The following SMURF2 variants were observed in gnomAD, a reference collection of about 807,000 sequenced individuals.
SMURF2 encodes SMAD specific E3 ubiquitin protein ligase 2.
A neutral mutation model predicts 109.6 loss-of-function variants in SMURF2; 48 were observed. The ratio of observed to expected loss-of-function variants is 0.44; its 90% CI spans 0.35 to 0.56. SMURF2 has a LOEUF of 0.56. Among genes scored for constraint, SMURF2 ranks in the 20% least tolerant of loss-of-function variants. The pLI is 0.01. For missense variants in SMURF2, 575 were observed against 909.0 expected (o/e 0.63, Z 4.72); for synonymous variants, 288 against 317.1 (o/e 0.91, Z 0.97).
chr17:64,610,519 A>C (rs1388175928), intron 1 of SMURF2, among the ~76,000 whole-genome samples: 6 of 152,136 alleles, frequency 3.9e-5, no homozygotes, highest in African/African-American at 1.4e-4. Flanking sequence ...AGAAAACCAA[A>C]CACCACATGT....
chr17:64,577,941 CTTTTTTTT>C (rs1157721982), intron 9 of SMURF2, among the ~76,000 whole-genome samples: 3 of 121,206 alleles, frequency 2.5e-5, no homozygotes, highest in South Asian at 2.7e-4. Flanking sequence ...TTTCATTCCA[CTTTTTTTT>C]TTTTTTTTTT....
At chr17:64,577,993 G>A (rs1245626789) in intron 9 of SMURF2, among the ~76,000 whole-genome samples, 2 of 144,240 alleles carry the variant, frequency 1.4e-5, no homozygotes, top group Non-Finnish European at 1.5e-5. Flanking sequence ...TGGCCAGGCT[G>A]GAGTGCAGTG....
At chr17:64,591,197 G>T (rs1395909259) in intron 4 of SMURF2, 48 bp from the exon 5 acceptor site, 1 of 1,366,430 alleles carries the variant, frequency 7.3e-7, no homozygotes, top group East Asian at 2.3e-5. Flanking sequence ...GCTGGTATCA[G>T]AGATTCTAAC....
chr17:64,649,276 CATCT>C (rs1970603767), intron 1 of SMURF2, among the ~76,000 whole-genome samples: 1 of 152,150 alleles, frequency 6.6e-6, no homozygotes, highest in South Asian at 2.1e-4. Context: ...CATACCCTGA[CATCT>C]ATCAGTGCAG....
chr17:64,655,252 C>CTT lies in SMURF2; in HGVS notation c.52+6575_52+6576dup, dbSNP rs749497302. Among the ~76,000 whole-genome samples, 117 of 85,908 alleles carry CTT rather than the reference C, an allele frequency of 1.4e-3. 2 individuals are homozygous for CTT. The highest frequency in any genetic ancestry group is 3.1e-3 in the South Asian group (8 of 2,614). 56.4% of individuals were successfully genotyped at this position (85,908 alleles called of 152,430 possible). ...TCTAATGACAATCCCAATGAAATGT[C>CTT]TTTTTTTTTTTTTTTTTTTTTTTTT... On this transcript the variant is annotated intron_variant, in intron 1 of 18. Coordinates refer to ENST00000262435, the MANE Select transcript of SMURF2 (RefSeq NM_022739.4).
At chr17:64,600,250 A>G (rs1457523761) in intron 2 of SMURF2, among the ~76,000 whole-genome samples, 2 of 152,224 alleles carry the variant, frequency 1.3e-5, no homozygotes, top group African/African-American at 4.8e-5. Flanking sequence ...CAAATTAATA[A>G]GAAACTTGTA....
In SMURF2 at chr17:64,561,524, C is replaced by T; in HGVS notation, c.1292G>A (p.Gly431Asp). 6.2e-7 allele frequency: 1 copy of T among 1,613,848 alleles called. No individual in the cohort carries two copies. Among genetic ancestry groups the T allele is most frequent in the Non-Finnish European group, 8.5e-7 (1 of 1,179,858 alleles). Residue 431 changes from glycine to aspartate, a missense_variant, in exon 12 of 19, where the codon GGC becomes GAC. Physicochemically the swap from Gly to Asp is moderately conservative, Grantham distance 94 (BLOSUM62 -1). Coordinates refer to ENST00000262435, the MANE Select transcript of SMURF2 (RefSeq NM_022739.4). ...CCTGGCAACGCCTCCATAGTCAAGG[C>T]CTTCTTCTCCACGAAATTTTATCAT... ...RLMIKFRGEE[G>D]LDYGGVAREW...
chr17:64,563,781 A>T (rs1431047519), intron 10 of SMURF2, among the ~76,000 whole-genome samples: 2 of 152,058 alleles, frequency 1.3e-5, no homozygotes, highest in African/African-American at 4.8e-5. Flanking sequence ...CCATTTTTAA[A>T]TTTTTTTTAA....
chr17:64,570,951 T>C (rs1301892277), intron 10 of SMURF2, among the ~76,000 whole-genome samples: 1 of 152,082 alleles, frequency 6.6e-6, no homozygotes, highest in African/African-American at 2.4e-5. Flanking sequence ...CAGCTAATTT[T>C]AAAAAAATTT....
intron 1 of SMURF2, among the ~76,000 whole-genome samples, chr17:64,624,443 C>G (rs1348771036): frequency 6.6e-6 from 1 of 151,096 alleles, no homozygotes; most frequent in African/African-American, 2.4e-5. Flanking sequence ...CAGCCATTCT[C>G]CTGCCTCAGC....
intron 2 of SMURF2, among the ~76,000 whole-genome samples, chr17:64,600,980 A>G (rs1372650958): frequency 6.6e-6 from 1 of 152,146 alleles, no homozygotes; most frequent in African/African-American, 2.4e-5. Flanking sequence ...CAGACACAGT[A>G]GCTCACACCT....
chr17:64,601,932 T>TGC (rs1555688618), intron 2 of SMURF2, among the ~76,000 whole-genome samples: 1 of 148,654 alleles, frequency 6.7e-6, no homozygotes, highest in Non-Finnish European at 1.5e-5. Context: ...TGTGTGTATA[T>TGC]ATATATATAC....
At chr17:64,624,917 T>C (rs1970248910) in intron 1 of SMURF2, among the ~76,000 whole-genome samples, 1 of 152,210 alleles carries the variant, frequency 6.6e-6, no homozygotes, top group African/African-American at 2.4e-5. Flanking sequence ...ATAAGTGATC[T>C]GTGGCCACAT....
chr17:64,560,769 T>C (rs1216592252), intron 12 of SMURF2: 1 of 145,870 alleles, frequency 6.9e-6, no homozygotes, highest in Non-Finnish European at 1.5e-5. Context: ...GAGAATAGCC[T>C]GGGCAACATG....
intron 1 of SMURF2, among the ~76,000 whole-genome samples, chr17:64,608,107 A>G (rs1476974083): frequency 6.6e-6 from 1 of 151,962 alleles, no homozygotes. Context: ...AGAGAAAGAA[A>G]AACATCAATT....
chr17:64,607,691 C>T (rs1568193304), intron 1 of SMURF2, among the ~76,000 whole-genome samples: 1 of 150,870 alleles, frequency 6.6e-6, no homozygotes, highest in Non-Finnish European at 1.5e-5. Flanking sequence ...TGCTTACAGG[C>T]TGGGCACAGT....
At position 64,579,392 on chromosome 17, in the gene SMURF2, TTTG is replaced by T. The variant is rs1431299024; in HGVS notation, c.773-819_773-817del. Among the ~76,000 whole-genome samples, 3 of 152,112 alleles carry T rather than the reference TTTG, an allele frequency of 2.0e-5. No individual in the cohort carries two copies. The East Asian group carries it at 5.8e-4, about 29-fold the overall frequency. The stretch of plus-strand genomic sequence containing the variant: ...CTAATATTTATTAGTATAAATCTAA[TTTG>T]TTTATAAACGTATAATGTCAATAAA... On this transcript the variant is annotated intron_variant, in intron 8 of 18. Transcript: ENST00000262435.
chr17:64,581,247 C>T lies in SMURF2; in HGVS notation c.570-256G>A, dbSNP rs1417293604. On this transcript the variant is annotated intron_variant, in intron 7 of 18. Transcript: ENST00000262435. The surrounding 1 kb of genome is among the most constrained non-coding windows in gnomAD (Gnocchi z 4.3). Reference sequence around the variant, plus strand: ...AATGACATTTGATATAAAATCCATACGTATCTGTGGATGTGAGACTGGCTT... The same window carrying T: ...AATGACATTTGATATAAAATCCATATGTATCTGTGGATGTGAGACTGGCTT... Among the ~76,000 whole-genome samples the T allele has an allele frequency of 2.6e-5, 4 of 152,162 alleles. No individual in the cohort carries two copies. The highest frequency in any genetic ancestry group is 4.4e-5 in the Non-Finnish European group (3 of 68,022).
intron 1 of SMURF2, among the ~76,000 whole-genome samples, chr17:64,658,650 C>T (rs1293276111): frequency 1.3e-5 from 2 of 152,114 alleles, no homozygotes; most frequent in African/African-American, 2.4e-5. Context: ...TCTGCTTCTC[C>T]ATACCTAAGA....
Sources: allele counts gnomAD v4.1 joint callset (sites outside exome capture counted in the v4.1 genomes callset), GRCh38; gene constraint gnomAD v4.1.1; non-coding constraint Gnocchi (gnomAD v3.1); transcripts MANE v1.5; gene names NCBI Gene and HGNC (gene_info 2026-07-23, HGNC 2026-07-21).